The following DPYSL2 variants were observed in gnomAD, a reference collection of about 807,000 sequenced individuals.
DPYSL2 encodes dihydropyrimidinase like 2.
In DPYSL2, 13 loss-of-function variants were observed where a neutral mutation model predicts 69.9. The ratio of observed to expected loss-of-function variants is 0.19; its 90% CI spans 0.12 to 0.30. DPYSL2 has a LOEUF of 0.30. Ranked by LOEUF, DPYSL2 falls within the 10% of genes least tolerant of loss-of-function variation. The pLI is 1.00. For synonymous variants in DPYSL2, 326 were observed against 359.1 expected (o/e 0.91, Z 1.04); for missense variants, 587 against 918.9 (o/e 0.64, Z 4.67).
At chr8:26,577,904 C>G (rs1026741183) in intron 1 of DPYSL2, 1 of 1,147,874 alleles carries the variant, frequency 8.7e-7, no homozygotes, top group Non-Finnish European at 1.1e-6. Context: ...GAGTGGCTGG[C>G]GGCGCATGCG....
intron 11 of DPYSL2, among the ~76,000 whole-genome samples, chr8:26,651,528 TGGGTTAGCA>T (rs1803278887): frequency 6.6e-6 from 1 of 152,168 alleles, no homozygotes; most frequent in Non-Finnish European, 1.5e-5. Context: ...GAAGTAGCAC[TGGGTTAGCA>T]GAAGCTGCAG....
chr8:26,535,899 TG>T (rs1800585094), intron 1 of DPYSL2, among the ~76,000 whole-genome samples: 1 of 19,778 alleles, frequency 5.1e-5, no homozygotes, highest in Non-Finnish European at 8.1e-5. Flanking sequence ...CTCTATGGGT[TG>T]TGTGTGTGTG....
In DPYSL2 at chr8:26,647,375, C is replaced by T. The variant is rs1803189772; in HGVS notation, c.1426-255C>T. 6.6e-6 allele frequency among the ~76,000 whole-genome samples: 1 copy of T among 152,174 alleles called. No homozygotes were observed. ...CCAACCTCTTGCTGCTCCTCCCCTCCACCCTCCCTAACCCTGGAAGAACCC... is the reference window on the plus strand; with the variant it reads ...CCAACCTCTTGCTGCTCCTCCCCTCTACCCTCCCTAACCCTGGAAGAACCC... On this transcript the variant is annotated intron_variant, in intron 10 of 13. Coordinates refer to ENST00000521913, the MANE Select transcript of DPYSL2 (RefSeq NM_001197293.3). The surrounding 1 kb of genome is among the most constrained non-coding windows in gnomAD (Gnocchi z 5.1).
In DPYSL2 at chr8:26,619,456, G is replaced by A. The variant is rs1802432548; in HGVS notation, c.629-4687G>A. 6.6e-6 allele frequency: 1 copy of A among 152,214 alleles called. No homozygotes were observed. Among genetic ancestry groups the A allele is most frequent in the South Asian group, 2.1e-4 (1 of 4,836 alleles). 9.4% of individuals were successfully genotyped at this position (152,214 alleles called of 1,614,324 possible). ...AATTTGGATATGCAAGGAAGCCATG[G>A]GATTGCAGCCAGGGAACATGCTATT... On this transcript the variant is annotated intron_variant, in intron 3 of 13. Coordinates refer to ENST00000521913, the MANE Select transcript of DPYSL2 (RefSeq NM_001197293.3). This position sits in a 1 kb window ranked among gnomAD's most constrained non-coding sequence, Gnocchi z 4.8.
At position 26,565,376 on chromosome 8, in the gene DPYSL2, G is replaced by C. The variant is rs1253734943; in HGVS notation, c.355-16593G>C. ...TTTTAGGGCTGCCCCAGGATTGGGAGGTTGCAGGGTAAGAGTAGCAGAATG... is the reference window on the plus strand; with the variant it reads ...TTTTAGGGCTGCCCCAGGATTGGGACGTTGCAGGGTAAGAGTAGCAGAATG... On this transcript the variant is annotated intron_variant, in intron 1 of 13. Coordinates refer to ENST00000521913, the MANE Select transcript of DPYSL2 (RefSeq NM_001197293.3). This position sits in a 1 kb window ranked among gnomAD's most constrained non-coding sequence, Gnocchi z 4.1. 6.6e-6 allele frequency among the ~76,000 whole-genome samples: 1 copy of C among 152,200 alleles called. No homozygotes were observed.
chr8:26,552,503 A>G (rs1406602905), intron 1 of DPYSL2, among the ~76,000 whole-genome samples: 3 of 152,238 alleles, frequency 2.0e-5, no homozygotes, highest in Non-Finnish European at 4.4e-5. Context: ...TACTGTTGCT[A>G]TAAATGAGTA....
At chr8:26,552,343 G>T (rs1390635262) in intron 1 of DPYSL2, among the ~76,000 whole-genome samples, 2 of 151,916 alleles carry the variant, frequency 1.3e-5, no homozygotes, top group Non-Finnish European at 2.9e-5. Context: ...AGACAAAGAA[G>T]AGCAAATTAA....
rs1396110571 is a variant in DPYSL2, at chr8:26,610,679, A to G, written c.629-13464A>G. Among the ~76,000 whole-genome samples, 2 of 152,138 alleles carry G rather than the reference A, an allele frequency of 1.3e-5. No homozygotes were observed. Among genetic ancestry groups the G allele is most frequent in the Non-Finnish European group, 2.9e-5 (2 of 68,032 alleles). Reference sequence around the variant, plus strand: ...CCCCCCTGCTCTCCCCTGGCATAGAAGGGTGCATCTCGTCTCCCCACAACA... The same window carrying G: ...CCCCCCTGCTCTCCCCTGGCATAGAGGGGTGCATCTCGTCTCCCCACAACA... On this transcript the variant is annotated intron_variant, in intron 3 of 13. Coordinates refer to ENST00000521913, the MANE Select transcript of DPYSL2 (RefSeq NM_001197293.3). The surrounding 1 kb of genome is among the most constrained non-coding windows in gnomAD (Gnocchi z 4.5).
chr8:26,633,089 T>C (rs903593319), intron 7 of DPYSL2, among the ~76,000 whole-genome samples: 12 of 152,162 alleles, frequency 7.9e-5, no homozygotes, highest in African/African-American at 2.9e-4. Context: ...TTGTGAAAAA[T>C]AACAGTGTTC....
rs960059846 is a variant in DPYSL2, at chr8:26,582,594, A to G, written c.443+537A>G. On this transcript the variant is annotated intron_variant, in intron 2 of 13. Transcript: ENST00000521913. The surrounding 1 kb of genome is among the most constrained non-coding windows in gnomAD (Gnocchi z 4.1). ...CTAAGTGGCAACTAGTGCAAATAAG[A>G]CTGCCCTTGTGTTTATTGTGTTAAT... is the stretch of plus-strand genomic sequence containing the variant. 6.6e-6 allele frequency among the ~76,000 whole-genome samples: 1 copy of G among 152,204 alleles called. No individual in the cohort carries two copies. Among genetic ancestry groups the G allele is most frequent in the African/African-American group, 2.4e-5 (1 of 41,450 alleles).
chr8:26,540,697 G>A (rs534333291), intron 1 of DPYSL2, among the ~76,000 whole-genome samples: 8 of 152,222 alleles, frequency 5.3e-5, no homozygotes, highest in African/African-American at 1.9e-4. Context: ...CCTGAAGTTG[G>A]GAGTTCGAGA....
rs1374516756 is a variant in DPYSL2, at chr8:26,533,182, ACTGT to A, written c.354+18506_354+18509del. Among the ~76,000 whole-genome samples, 5 of 152,310 alleles carry A rather than the reference ACTGT, an allele frequency of 3.3e-5. No individual in the cohort carries two copies. Among genetic ancestry groups the A allele is most frequent in the African/African-American group, 1.2e-4 (5 of 41,564 alleles). On this transcript the variant is annotated intron_variant, in intron 1 of 13. Transcript: ENST00000521913. The surrounding 1 kb of genome is among the most constrained non-coding windows in gnomAD (Gnocchi z 4.8). Reference sequence around the variant, plus strand: ...TATGTCATTTGTATCTCTTTGGAGAACTGTCTATTAAAATTCTTTGCCCATTTTT... The same window carrying A: ...TATGTCATTTGTATCTCTTTGGAGAACTATTAAAATTCTTTGCCCATTTTT...
intron 3 of DPYSL2, among the ~76,000 whole-genome samples, chr8:26,589,525 A>G (rs1347647048): frequency 2.0e-5 from 3 of 152,252 alleles, no homozygotes; most frequent in African/African-American, 7.2e-5. Context: ...ATGCCAAGAG[A>G]CTTAGTGTCA....
intron 8 of DPYSL2, 66 bp downstream of exon 8, chr8:26,634,966 C>T (rs1016382767): frequency 1.9e-6 from 3 of 1,592,708 alleles, no homozygotes; most frequent in Non-Finnish European, 1.7e-6. Context: ...GGGCTCCTCA[C>T]TAGGGAGGGC....
intron 3 of DPYSL2, among the ~76,000 whole-genome samples, chr8:26,622,375 A>G (rs1802512681): frequency 1.3e-5 from 2 of 151,702 alleles, no homozygotes; most frequent in Admixed American, 1.3e-4. Context: ...GTACCCATTT[A>G]TTTACTAATC....
rs1165573436 is a variant in DPYSL2 at position 26,517,389 on chromosome 8, G to T, written c.354+2710G>T. Among the ~76,000 whole-genome samples, 1 of 152,222 alleles carries T rather than the reference G, an allele frequency of 6.6e-6. No individual in the cohort carries two copies. Among genetic ancestry groups the T allele is most frequent in the Admixed American group, 6.5e-5 (1 of 15,282 alleles). ...GCTTGACTCGGCATGTCAGATTTTGGCGGAGGAAAAGAGCTGGCATAGTGG... is the reference window on the plus strand; with the variant it reads ...GCTTGACTCGGCATGTCAGATTTTGTCGGAGGAAAAGAGCTGGCATAGTGG... On this transcript the variant is annotated intron_variant, in intron 1 of 13. Coordinates refer to ENST00000521913, the MANE Select transcript of DPYSL2 (RefSeq NM_001197293.3). This position sits in a 1 kb window ranked among gnomAD's most constrained non-coding sequence, Gnocchi z 4.2.
chr8:26,602,778 A>T lies in DPYSL2; in HGVS notation c.628+18795A>T, dbSNP rs544157254. Among the ~76,000 whole-genome samples the T allele has an allele frequency of 5.6e-4, 86 of 152,360 alleles. 1 individual carries two copies. Among genetic ancestry groups the T allele is most frequent in the African/African-American group, 1.9e-3 (79 of 41,578 alleles). On this transcript the variant is annotated intron_variant, in intron 3 of 13. Coordinates refer to ENST00000521913, the MANE Select transcript of DPYSL2 (RefSeq NM_001197293.3). Reference sequence around the variant, plus strand: ...CCTCTTTGCAAAAAACTTCTTGTCTATTGGGAAGACCTACAAAGAAAAGAT... The same window carrying T: ...CCTCTTTGCAAAAAACTTCTTGTCTTTTGGGAAGACCTACAAAGAAAAGAT...
intron 4 of DPYSL2, among the ~76,000 whole-genome samples, chr8:26,625,471 G>T (rs1188224710): frequency 1.3e-5 from 2 of 152,150 alleles, no homozygotes; most frequent in African/African-American, 4.8e-5. Flanking sequence ...TTTAACTCAG[G>T]CAGCTCCCAG....
Position 26,565,485 on chromosome 8 carries a change from T to A in DPYSL2, c.355-16484T>A, listed in dbSNP as rs1250841730. Among the ~76,000 whole-genome samples, 1 of 152,016 alleles carries A rather than the reference T, an allele frequency of 6.6e-6. No homozygotes were observed. Among genetic ancestry groups the A allele is most frequent in the Non-Finnish European group, 1.5e-5 (1 of 67,996 alleles). ...AGGTTGACTCATCACATCTTGATGA[T>A]GTGGTTAGGGGATGAGGGCTCAGAT... On this transcript the variant is annotated intron_variant, in intron 1 of 13. Coordinates refer to ENST00000521913, the MANE Select transcript of DPYSL2 (RefSeq NM_001197293.3). This position sits in a 1 kb window ranked among gnomAD's most constrained non-coding sequence, Gnocchi z 4.1.
Sources: allele counts gnomAD v4.1 joint callset (sites outside exome capture counted in the v4.1 genomes callset), GRCh38; gene constraint gnomAD v4.1.1; non-coding constraint Gnocchi (gnomAD v3.1); transcripts MANE v1.5; gene names NCBI Gene and HGNC (gene_info 2026-07-23, HGNC 2026-07-21).